Variants in RPSA2 observed in about 807,000 individuals in gnomAD.
The protein encoded by RPSA2 is ribosomal protein SA 2, also known as small ribosomal subunit protein uS2B.
chr19:23,771,738 A>G, the RPSA2 span, among the ~76,000 whole-genome samples: 5 of 152,068 alleles, frequency 3.3e-5, no homozygotes, highest in African/African-American at 1.2e-4. Flanking sequence ...CCAAGAAGGG[A>G]CTGTAATATA....
At chr19:23,826,527 C>G in the RPSA2 span, among the ~76,000 whole-genome samples, 1 of 151,888 alleles carries the variant, frequency 6.6e-6, no homozygotes, top group South Asian at 2.1e-4. Flanking sequence ...TTTGCAAACA[C>G]CACTCTGTTT....
At chr19:23,843,204 TG>T in the RPSA2 span, 2 of 251,916 alleles carry the variant, frequency 7.9e-6, no homozygotes, top group Non-Finnish European at 1.6e-5. Flanking sequence ...GTACCTGATC[TG>T]ATCTCCTGCC....
the RPSA2 span, among the ~76,000 whole-genome samples, chr19:23,851,535 AAT>A: frequency 1.3e-5 from 2 of 152,214 alleles, no homozygotes; most frequent in Non-Finnish European, 2.9e-5. Flanking sequence ...CAGAATTATC[AAT>A]ATGTTTAATA....
chr19:23,794,221 A>G, the RPSA2 span, among the ~76,000 whole-genome samples: 4 of 152,218 alleles, frequency 2.6e-5, no homozygotes, highest in Admixed American at 6.5e-5. Context: ...ATACCCAATT[A>G]TGAGGTTGCT....
the RPSA2 span, among the ~76,000 whole-genome samples, chr19:23,855,277 T>C: frequency 7.9e-5 from 12 of 152,160 alleles, no homozygotes; most frequent in Admixed American, 1.3e-4. Context: ...AGGTATGCAA[T>C]TGTAAATGCT....
the RPSA2 span, among the ~76,000 whole-genome samples, chr19:23,844,144 G>A: frequency 1 from 152,327 of 152,344 alleles, 76,156 homozygotes; most frequent in Non-Finnish European, 1. Flanking sequence ...GCCTGTTTGT[G>A]GGGGCTATTT....
the RPSA2 span, among the ~76,000 whole-genome samples, chr19:23,770,726 C>CTAG: frequency 1.3e-5 from 2 of 152,042 alleles, no homozygotes; most frequent in Non-Finnish European, 2.9e-5. Flanking sequence ...CTGGGCCTAG[C>CTAG]ATCTAGGTGA....
chr19:23,792,767 C>T, the RPSA2 span, among the ~76,000 whole-genome samples: 1 of 151,874 alleles, frequency 6.6e-6, no homozygotes, highest in African/African-American at 2.4e-5. Flanking sequence ...CCCGCCTCGG[C>T]CTCCCAAAGT....
the RPSA2 span, among the ~76,000 whole-genome samples, chr19:23,858,715 T>C: frequency 3.3e-5 from 5 of 152,178 alleles, no homozygotes; most frequent in East Asian, 9.6e-4. Context: ...ACTGCGCATG[T>C]TCAAAATGGT....
chr19:23,838,520 A>G, the RPSA2 span, among the ~76,000 whole-genome samples: 1 of 151,868 alleles, frequency 6.6e-6, no homozygotes, highest in Non-Finnish European at 1.5e-5. Context: ...TTCTGGTAGA[A>G]TTTTGCTGTG....
At chr19:23,851,915 C>A in the RPSA2 span, among the ~76,000 whole-genome samples, 1 of 152,306 alleles carries the variant, frequency 6.6e-6, no homozygotes, top group South Asian at 2.1e-4. Context: ...GCGGCCTGAA[C>A]TTTGAGCCGA....
At chr19:23,864,322 C>T in the RPSA2 span, among the ~76,000 whole-genome samples, 1 of 152,178 alleles carries the variant, frequency 6.6e-6, no homozygotes, top group East Asian at 1.9e-4. Context: ...TCTTTATTAA[C>T]ATTCCATTAA....
At chr19:23,761,925 T>TCCTTCCTTCCTTCC in the RPSA2 span, among the ~76,000 whole-genome samples, 5 of 81,200 alleles carry the variant, frequency 6.2e-5, no homozygotes, top group Admixed American at 1.5e-4. Context: ...TCTTTCTTTT[T>TCCTTCCTTCCTTCC]TTTTTTTTTT....
the RPSA2 span, among the ~76,000 whole-genome samples, chr19:23,864,546 C>T: frequency 6.6e-6 from 1 of 152,128 alleles, no homozygotes. Flanking sequence ...CAACAGACAG[C>T]ATACATGGTC....
chr19:23,800,549 C>A, the RPSA2 span, among the ~76,000 whole-genome samples: 1 of 152,134 alleles, frequency 6.6e-6, no homozygotes, highest in South Asian at 2.1e-4. Flanking sequence ...AATTGTGTCT[C>A]TGCCTATTTG....
At chr19:23,850,579 G>A in the RPSA2 span, among the ~76,000 whole-genome samples, 4 of 150,960 alleles carry the variant, frequency 2.6e-5, no homozygotes, top group South Asian at 8.4e-4. Flanking sequence ...TTCATTGTCA[G>A]TATTCACACG....
chr19:23,823,819 G>A, the RPSA2 span: 1 of 152,528 alleles, frequency 6.6e-6, no homozygotes, highest in East Asian at 1.9e-4. Context: ...GGGGCACTGG[G>A]TTGTGGGATA....
chr19:23,763,499 C>T, the RPSA2 span, among the ~76,000 whole-genome samples: 1 of 152,170 alleles, frequency 6.6e-6, no homozygotes, highest in African/African-American at 2.4e-5. Context: ...TTGTTTGAGA[C>T]GGAGTCTTGC....
the RPSA2 span, among the ~76,000 whole-genome samples, chr19:23,762,212 G>C: frequency 6.7e-6 from 1 of 149,524 alleles, no homozygotes; most frequent in Non-Finnish European, 1.5e-5. Flanking sequence ...CACCGTGCCC[G>C]GCCCGGTAAC....
Sources: gnomAD v4.1 joint callset for allele counts (sites outside exome capture counted in the v4.1 genomes callset) on GRCh38, gnomAD v4.1.1 for gene constraint, MANE v1.5 for transcripts, NCBI Gene and HGNC (gene_info 2026-07-23, HGNC 2026-07-21) for gene names.